NUP42: variants seen among roughly 807,000 people sequenced by gnomAD.
The protein encoded by NUP42 is nucleoporin NUP42.
A neutral mutation model predicts 35.9 loss-of-function variants in NUP42; 47 were observed. The observed-to-expected ratio is 1.31, with a 90% CI of 1.04 to 1.67. The LOEUF (loss-of-function observed/expected upper bound fraction) is 1.67, where lower values mean the gene tolerates loss of function less well. NUP42 is among the 40% of genes most tolerant of loss of function. The probability of loss-of-function intolerance (pLI) is 0.00; values close to 1 mark genes in which losing one functional copy is unlikely to be tolerated. For missense variants in NUP42, 514 were observed against 492.2 expected (o/e 1.04, Z -0.42); for synonymous variants, 173 against 173.3 (o/e 1.00, Z 0.01).
In NUP42 at chr7:23,185,189, A is replaced by T. The variant is rs1302270739; in HGVS notation, c.241A>T (p.Ser81Cys). ...CAGAGATCAAGAAAAGCCATATTTC[A>T]GTTCTTTTGATTCTGGAGCTTCAAC... ...GSRDQEKPYF[S>C]SFDSGASTNR... The change falls in exon 2 of 7, where the codon AGT (serine) becomes TGT (cysteine). Residue 81 changes from serine to cysteine, a missense_variant. Coordinates refer to ENST00000258742, the MANE Select transcript of NUP42 (RefSeq NM_007342.3). The T allele has an allele frequency of 6.2e-7, 1 of 1,614,170 alleles. No homozygotes were observed.
Position 23,200,249 on chromosome 7 carries a change from C to A in NUP42, c.776C>A (p.Ser259Tyr), listed in dbSNP as rs766463707. The A allele has an allele frequency of 1.2e-6, 2 of 1,603,336 alleles. No homozygotes were observed. The highest frequency in any genetic ancestry group is 1.7e-5 in the Admixed American group (1 of 59,226). The change falls in exon 7 of 7, where the codon TCT becomes TAT. Residue 259 changes from serine to tyrosine, a missense_variant. Physicochemically the swap from Ser to Tyr is moderately radical, Grantham distance 144. Coordinates refer to ENST00000258742, the MANE Select transcript of NUP42 (RefSeq NM_007342.3). ...KTNSGFAAAS[S>Y]GSPAGFGSSP... Reference sequence around the variant, plus strand: ...AACTCTGGATTTGCTGCTGCCTCTTCTGGAAGCCCTGCTGGTTTTGGGAGT... The same window carrying A: ...AACTCTGGATTTGCTGCTGCCTCTTATGGAAGCCCTGCTGGTTTTGGGAGT...
At chr7:23,182,859 G>C (rs1562601816) in intron 1 of NUP42, among the ~76,000 whole-genome samples, 2 of 150,508 alleles carry the variant, frequency 1.3e-5, no homozygotes. Context: ...GGTTGCAGTG[G>C]GCCGAGATCG....
At chr7:23,185,454 AG>A (rs1235816443) in intron 2 of NUP42, among the ~76,000 whole-genome samples, 156 bp downstream of exon 2, 2 of 152,250 alleles carry the variant, frequency 1.3e-5, no homozygotes, top group African/African-American at 4.8e-5. Context: ...AGTAGCAAAA[AG>A]AAGAAAAATC....
chr7:23,195,230 T>C (rs1025025556), intron 3 of NUP42: 1 of 152,244 alleles, frequency 6.6e-6, no homozygotes, highest in East Asian at 1.9e-4. Flanking sequence ...TAGGAAATGA[T>C]ACATTTCACC....
intron 3 of NUP42, among the ~76,000 whole-genome samples, chr7:23,193,286 G>C (rs1392888137): frequency 1.3e-5 from 2 of 152,182 alleles, no homozygotes; most frequent in African/African-American, 2.4e-5. Context: ...GCTGGCTGGG[G>C]CAGCCTGCTT....
intron 3 of NUP42, among the ~76,000 whole-genome samples, chr7:23,192,403 C>T (rs550560495): frequency 3.3e-5 from 5 of 151,868 alleles, no homozygotes; most frequent in South Asian, 4.2e-4. Context: ...AAAAATTAGC[C>T]GGGCTTGGTG....
chr7:23,186,109 A>ACT (rs989481918), intron 2 of NUP42, among the ~76,000 whole-genome samples: 37 of 152,214 alleles, frequency 2.4e-4, no homozygotes, highest in African/African-American at 8.7e-4. Context: ...TTGATTTCCT[A>ACT]CATTTATTAT....
At chr7:23,193,032 T>C (rs967277264) in intron 3 of NUP42, among the ~76,000 whole-genome samples, 5 of 151,744 alleles carry the variant, frequency 3.3e-5, no homozygotes, top group Non-Finnish European at 5.9e-5. Context: ...GGCTCAGGAG[T>C]GAAGCTGTGG....
At chr7:23,185,016 A>G (rs1785541492) in intron 1 of NUP42, 54 bp from the exon 2 acceptor site, 1 of 1,456,816 alleles carries the variant, frequency 6.9e-7, no homozygotes, top group African/African-American at 1.4e-5. Flanking sequence ...AATTAAAAAG[A>G]AAATAGAAAG....
At chr7:23,194,042 G>T (rs1022248964) in intron 3 of NUP42, among the ~76,000 whole-genome samples, 3 of 152,216 alleles carry the variant, frequency 2.0e-5, no homozygotes, top group Non-Finnish European at 4.4e-5. Flanking sequence ...CCAAGCCCAC[G>T]CCCACTCGGA....
At chr7:23,198,238 A>G in intron 5 of NUP42, 1 of 110,248 alleles carries the variant, frequency 9.1e-6, no homozygotes, top group East Asian at 2.5e-4. Flanking sequence ...TTTGAGGCAG[A>G]GTCTCACTCT....
intron 4 of NUP42, chr7:23,196,469 G>C: frequency 2.0e-6 from 1 of 507,974 alleles, no homozygotes; most frequent in South Asian, 2.3e-5. Flanking sequence ...ATACTAACCA[G>C]ATGATACAAG....
chr7:23,183,018 G>A (rs754811126), intron 1 of NUP42, among the ~76,000 whole-genome samples: 9 of 152,172 alleles, frequency 5.9e-5, no homozygotes, highest in Non-Finnish European at 1.3e-4. Context: ...AATTGGGAAT[G>A]TGGGACGCCC....
chr7:23,189,867 T>C (rs1453527831), intron 3 of NUP42, among the ~76,000 whole-genome samples: 1 of 140,872 alleles, frequency 7.1e-6, no homozygotes, highest in Non-Finnish European at 1.5e-5. Flanking sequence ...GAGCCAAGAT[T>C]GTGCCACTGC....
At chr7:23,188,749 T>TAAA (rs1361037407) in intron 3 of NUP42, among the ~76,000 whole-genome samples, 1 of 152,266 alleles carries the variant, frequency 6.6e-6, no homozygotes, top group African/African-American at 2.4e-5. Context: ...GAGGCCCTTT[T>TAAA]AGGAGTTGCC....
chr7:23,185,664 T>C (rs1230683478), intron 2 of NUP42, among the ~76,000 whole-genome samples: 2 of 152,266 alleles, frequency 1.3e-5, no homozygotes, highest in African/African-American at 4.8e-5. Flanking sequence ...CATTCTAACT[T>C]ACAAGTCCTT....
intron 2 of NUP42, among the ~76,000 whole-genome samples, chr7:23,185,969 A>AG (rs779615876): frequency 0.046 from 7,014 of 152,096 alleles, 234 homozygotes; most frequent in Non-Finnish European, 0.07. Flanking sequence ...TGAACTCTTG[A>AG]CCTCAAGTGA....
chr7:23,186,405 A>G (rs1055792024), intron 2 of NUP42, among the ~76,000 whole-genome samples: 3 of 152,138 alleles, frequency 2.0e-5, no homozygotes, highest in Admixed American at 6.5e-5. Flanking sequence ...CTCTGTGATA[A>G]TTCTCCTTTT....
rs1562613224 is a variant in NUP42, at chr7:23,200,573, G to A, written c.1100G>A (p.Ser367Asn). Residue 367 changes from serine (S) to asparagine (N), a missense_variant, in exon 7 of 7, where the codon AGC (serine) becomes AAC (asparagine). Transcript: ENST00000258742. Reference protein sequence around the residue: ...SKPSSDTFGNSSISTSLSASS... With the variant: ...SKPSSDTFGNNSISTSLSASS... ...CCATCCAGTGACACTTTTGGAAATAGCAGCATATCCACTTCTCTGTCAGCC... is the reference window on the plus strand; with the variant it reads ...CCATCCAGTGACACTTTTGGAAATAACAGCATATCCACTTCTCTGTCAGCC... 1.2e-6 allele frequency: 2 copies of A among 1,614,132 alleles called. No homozygotes were observed. The highest frequency in any genetic ancestry group is 2.2e-5 in the East Asian group (1 of 44,888).
Sources: gnomAD v4.1 joint callset for allele counts (sites outside exome capture counted in the v4.1 genomes callset) on GRCh38, gnomAD v4.1.1 for gene constraint, MANE v1.5 for transcripts, NCBI Gene and HGNC (gene_info 2026-07-23, HGNC 2026-07-21) for gene names.